Variants in OSBP2 observed in about 807,000 individuals in gnomAD.
OSBP2 encodes the protein oxysterol-binding protein 2.
In OSBP2, 66 loss-of-function variants were observed where a neutral mutation model predicts 96.0. The ratio of observed to expected loss-of-function variants is 0.69; its 90% CI spans 0.56 to 0.84. The LOEUF (loss-of-function observed/expected upper bound fraction) is 0.84. OSBP2 is among the 40% of genes least tolerant of loss of function. The pLI, the probability that OSBP2 is intolerant of heterozygous loss-of-function variation, is 0.00. For synonymous variants in OSBP2, 525 were observed against 520.9 expected, an observed-to-expected ratio of 1.01 and a Z score of -0.11; for missense variants, 1,038 against 1,222.7, an observed-to-expected ratio of 0.85 and a Z score of 2.25.
intron 1 of OSBP2, among the ~76,000 whole-genome samples, chr22:30,724,843 G>A (rs1246799717): frequency 6.6e-6 from 1 of 152,126 alleles, no homozygotes; most frequent in Admixed American, 6.6e-5. Flanking sequence ...ATATCCCAGT[G>A]TGCTCCATGG....
intron 2 of OSBP2, among the ~76,000 whole-genome samples, chr22:30,784,035 C>T (rs1485405553): frequency 6.6e-6 from 1 of 152,178 alleles, no homozygotes; most frequent in Non-Finnish European, 1.5e-5. Context: ...TTACGATTGA[C>T]GTAGGTTTCT....
At chr22:30,806,168 C>T (rs1443068921) in intron 2 of OSBP2, among the ~76,000 whole-genome samples, 5 of 152,178 alleles carry the variant, frequency 3.3e-5, no homozygotes, top group Admixed American at 6.5e-5. Context: ...TCAGACAGGT[C>T]GCAGTGCCCA....
At chr22:30,818,036 C>T (rs1163775918) in intron 2 of OSBP2, among the ~76,000 whole-genome samples, 1 of 152,138 alleles carries the variant, frequency 6.6e-6, no homozygotes, top group Admixed American at 6.5e-5. Context: ...GCTGGGACTA[C>T]AGGCATGCAC....
At chr22:30,779,186 G>A (rs1327037697) in intron 2 of OSBP2, among the ~76,000 whole-genome samples, 3 of 150,908 alleles carry the variant, frequency 2.0e-5, no homozygotes, top group Non-Finnish European at 4.4e-5. Flanking sequence ...GGTTCAAGTG[G>A]TTCTCCTGCC....
chr22:30,694,861 G>T (rs2088993364), upstream of OSBP2: 1 of 889,036 alleles, frequency 1.1e-6, no homozygotes, highest in East Asian at 3.9e-5. Flanking sequence ...CCCCCGGCCT[G>T]CCCCCCGCCC....
chr22:30,853,722 AT>A (rs935523315), intron 2 of OSBP2, among the ~76,000 whole-genome samples: 5 of 149,320 alleles, frequency 3.3e-5, no homozygotes, highest in Non-Finnish European at 3.0e-5. Flanking sequence ...TTAGTGTTAA[AT>A]TTTTTTTCTT....
intron 2 of OSBP2, among the ~76,000 whole-genome samples, chr22:30,818,721 C>G (rs2091111275): frequency 1.3e-5 from 2 of 152,138 alleles, no homozygotes; most frequent in African/African-American, 2.4e-5. Context: ...GAAACTGAGT[C>G]TGATTAGTAA....
intron 3 of OSBP2, among the ~76,000 whole-genome samples, chr22:30,880,463 T>G (rs1360105186): frequency 6.6e-6 from 1 of 152,208 alleles, no homozygotes; most frequent in Non-Finnish European, 1.5e-5. Context: ...TTTCCTAGCC[T>G]GGACCATATG....
At chr22:30,709,496 T>A (rs1267498499) in intron 1 of OSBP2, among the ~76,000 whole-genome samples, 1 of 152,000 alleles carries the variant, frequency 6.6e-6, no homozygotes, top group Non-Finnish European at 1.5e-5. Flanking sequence ...CTTAGATTAG[T>A]CTAATTGTTT....
At chr22:30,869,211 G>A (rs1356996346) in intron 2 of OSBP2, among the ~76,000 whole-genome samples, 1 of 152,198 alleles carries the variant, frequency 6.6e-6, no homozygotes, top group East Asian at 1.9e-4. Flanking sequence ...GGTAAGAGGG[G>A]GCGTGGGAGC....
At chr22:30,723,984 C>T (rs1027324824) in intron 1 of OSBP2, among the ~76,000 whole-genome samples, 3 of 152,136 alleles carry the variant, frequency 2.0e-5, no homozygotes, top group Non-Finnish European at 4.4e-5. Flanking sequence ...TCCACCATTA[C>T]GGTATCATAC....
At chr22:30,769,833 C>T (rs1339446761) in intron 2 of OSBP2, among the ~76,000 whole-genome samples, 3 of 152,082 alleles carry the variant, frequency 2.0e-5, no homozygotes, top group African/African-American at 7.2e-5. Context: ...CTTCTACCCA[C>T]ACTGGATATA....
At chr22:30,781,168 G>A (rs898324018) in intron 2 of OSBP2, among the ~76,000 whole-genome samples, 1 of 145,810 alleles carries the variant, frequency 6.9e-6, no homozygotes, top group African/African-American at 2.5e-5. Context: ...TTTTAGTAGC[G>A]ATGGGGTTTC....
intron 2 of OSBP2, among the ~76,000 whole-genome samples, chr22:30,768,260 G>T: frequency 6.6e-6 from 1 of 152,152 alleles, no homozygotes; most frequent in Non-Finnish European, 1.5e-5. Flanking sequence ...CCAAGCCCAG[G>T]AGCCAGCCCA....
rs1290172102 is a variant in OSBP2, at chr22:30,907,626, T to G, written c.*1287T>G. 1 of 151,842 alleles carries G rather than the reference T, an allele frequency of 6.6e-6. No individual in the cohort carries two copies. Among genetic ancestry groups the G allele is most frequent in the Non-Finnish European group, 1.5e-5 (1 of 67,932 alleles). 9.4% of individuals were successfully genotyped at this position (151,842 alleles called of 1,614,324 possible). On this transcript the variant is annotated 3_prime_UTR_variant, in exon 14 of 14. Coordinates refer to ENST00000332585, the MANE Select transcript of OSBP2 (RefSeq NM_030758.4). ...TACTCCAGGACTGGTTTTGTTTTTATATATATAAAAAAAAAAAGTGAAAAC... is the reference window on the plus strand; with the variant it reads ...TACTCCAGGACTGGTTTTGTTTTTAGATATATAAAAAAAAAAAGTGAAAAC...
intron 12 of OSBP2, chr22:30,902,202 G>A (rs765491821): frequency 3.4e-6 from 4 of 1,177,356 alleles, no homozygotes; most frequent in Non-Finnish European, 4.9e-6. Flanking sequence ...TAGCCAGAAG[G>A]AGTCGCTCAC....
rs1239083048 is a variant in OSBP2, at chr22:30,902,140, C to CAAA, written c.2376-3687_2376-3685dup. 8.5e-3 allele frequency: 2,171 copies of CAAA among 256,238 alleles called. 6 individuals are homozygous for CAAA. The highest frequency in any genetic ancestry group is 0.01 in the Non-Finnish European group (1,454 of 145,214). 15.9% of individuals were successfully genotyped at this position (256,238 alleles called of 1,614,324 possible). A position where few individuals can be genotyped will look rare whatever the true frequency, so the allele number is the denominator to read the frequency against. On this transcript the variant is annotated intron_variant, in intron 12 of 13. Transcript: ENST00000332585. ...AAAAAAAAAACGAAAAAAAAAAAAC[C>CAAA]AAAAAAAAAAAACAGAGGGTCCCAC...
chr22:30,825,020 C>T (rs1410780209), intron 2 of OSBP2, among the ~76,000 whole-genome samples: 4 of 152,170 alleles, frequency 2.6e-5, no homozygotes, highest in African/African-American at 4.8e-5. Context: ...CAAGGGGAAG[C>T]GTGGATTGAA....
intron 2 of OSBP2, among the ~76,000 whole-genome samples, chr22:30,860,990 G>C (rs1159773068): frequency 1.3e-5 from 2 of 152,194 alleles, no homozygotes; most frequent in Non-Finnish European, 2.9e-5. Context: ...TGAGTGAGGA[G>C]GCGCCCTAGC....
Sources: allele counts gnomAD v4.1 joint callset (sites outside exome capture counted in the v4.1 genomes callset), GRCh38; gene constraint gnomAD v4.1.1; transcripts MANE v1.5; gene names NCBI Gene and HGNC (gene_info 2026-07-23, HGNC 2026-07-21).